Variants in INPP5F observed in about 807,000 individuals in gnomAD.
The protein encoded by INPP5F is inositol polyphosphate-5-phosphatase F, also known as phosphatidylinositide 4-phosphatase SAC2.
INPP5F carries 97 observed loss-of-function variants against 137.2 expected under a neutral mutation model. The observed-to-expected ratio is 0.71, with a 90% confidence interval of 0.60 to 0.84. The LOEUF (loss-of-function observed/expected upper bound fraction) is 0.84. INPP5F is among the 40% of genes least tolerant of loss of function. INPP5F has a pLI of 0.00. For synonymous variants in INPP5F, 504 were observed against 476.9 expected (o/e 1.06, Z -0.74); for missense variants, 1,271 against 1,371.9 (o/e 0.93, Z 1.16).
At chr10:119,759,059 C>T (rs17099281) in intron 2 of INPP5F, among the ~76,000 whole-genome samples, 6,340 of 152,308 alleles carry the variant, frequency 0.042, 236 homozygotes, top group South Asian at 0.22. Flanking sequence ...GAGGGTCTGA[C>T]AGGGTCCCTG....
chr10:119,747,937 C>T (rs760315478), intron 1 of INPP5F, among the ~76,000 whole-genome samples: 3 of 152,088 alleles, frequency 2.0e-5, no homozygotes, highest in Non-Finnish European at 4.4e-5. Context: ...TCATGGGATC[C>T]TTAGGGTGTT....
intron 5 of INPP5F, 37 bp from the exon 6 acceptor site, chr10:119,792,120 A>G (rs1850168472): frequency 1.2e-6 from 2 of 1,614,060 alleles, no homozygotes; most frequent in Non-Finnish European, 1.7e-6. Flanking sequence ...AACTGAAATA[A>G]TGTGTTTCTG....
Position 119,798,606 on chromosome 10 carries a change from A to C in INPP5F, c.1112A>C (p.Lys371Thr). The C allele has an allele frequency of 6.2e-7, 1 of 1,609,576 alleles. No homozygotes were observed. The highest frequency in any genetic ancestry group is 1.7e-5 in the Admixed American group (1 of 59,852). ...HFEEQLNIYK[K>T]QVIINLVDQA... ...GAAGAACAACTGAACATTTACAAAAAACAGGTGGGCTTTGATTTACAGTAG... is the reference window on the plus strand; with the variant it reads ...GAAGAACAACTGAACATTTACAAAACACAGGTGGGCTTTGATTTACAGTAG... Residue 371 changes from lysine (K) to threonine (T), a missense_variant, in exon 9 of 20, where the codon AAA becomes ACA. Around this residue, in one of 6 missense-constraint regions of INPP5F, gnomAD observed 593 missense variants for 712.4 expected, o/e 0.83. Transcript: ENST00000650623.
intron 1 of INPP5F, among the ~76,000 whole-genome samples, chr10:119,734,197 C>T (rs571058108): frequency 3.9e-4 from 60 of 152,180 alleles, no homozygotes; most frequent in Non-Finnish European, 7.9e-4. Context: ...TCCAAACCGG[C>T]CCTTGTGCAG....
chr10:119,816,656 A>G (rs1054188285), intron 15 of INPP5F: 1 of 152,080 alleles, frequency 6.6e-6, no homozygotes, highest in Non-Finnish European at 1.5e-5. Flanking sequence ...TCAGCTGGAG[A>G]TGTTGACCCA....
In INPP5F at chr10:119,829,084, C is replaced by CT. The variant is rs963003965; in HGVS notation, c.*1314dup. On this transcript the variant is annotated 3_prime_UTR_variant, in exon 20 of 20. Transcript: ENST00000650623. ...CACTTTTGTTATTTATTAGTGCTAT[C>CT]TTTTTTTTTTACGTGTTAAATCTTG... 5.9e-3 allele frequency: 889 copies of CT among 149,636 alleles called. 3 individuals are homozygous for CT. Among genetic ancestry groups the CT allele is most frequent in the African/African-American group, 0.01 (411 of 40,810 alleles). The allele number at this position is 149,636 out of a possible 1,614,324, so 9.3% of individuals were successfully genotyped here.
intron 16 of INPP5F, among the ~76,000 whole-genome samples, chr10:119,821,626 C>T (rs905863969): frequency 8.5e-5 from 13 of 152,070 alleles, no homozygotes; most frequent in Non-Finnish European, 1.6e-4. Context: ...TTTTCATTCT[C>T]GATTTTGGAT....
At chr10:119,798,752 TA>T (rs907126589) in intron 9 of INPP5F, 142 bp downstream of exon 9, 21 of 430,772 alleles carry the variant, frequency 4.9e-5, no homozygotes, top group African/African-American at 3.9e-4. Context: ...AGAGTTTTCT[TA>T]ATATTCTTTA....
At chr10:119,768,951 A>T (rs958985946) in intron 2 of INPP5F, among the ~76,000 whole-genome samples, 1 of 152,232 alleles carries the variant, frequency 6.6e-6, no homozygotes, top group Non-Finnish European at 1.5e-5. Flanking sequence ...AGTGCCAAGA[A>T]TGGTAACTGG....
chr10:119,762,190 CTGTT>C (rs1438245432), intron 2 of INPP5F, among the ~76,000 whole-genome samples: 2 of 152,162 alleles, frequency 1.3e-5, no homozygotes, highest in African/African-American at 2.4e-5. Context: ...AGTTCTTTGT[CTGTT>C]TGGGCTGCTG....
At chr10:119,818,476 C>A (rs900234373) in intron 15 of INPP5F, among the ~76,000 whole-genome samples, 1 of 152,232 alleles carries the variant, frequency 6.6e-6, no homozygotes, top group Non-Finnish European at 1.5e-5. Flanking sequence ...CCCGCCAGCG[C>A]CCCCCTCCAG....
intron 2 of INPP5F, among the ~76,000 whole-genome samples, chr10:119,758,540 G>A (rs1440214296): frequency 6.6e-6 from 1 of 152,216 alleles, no homozygotes; most frequent in Admixed American, 6.5e-5. Flanking sequence ...AGCTCTTCAA[G>A]TTAAAATGTA....
intron 19 of INPP5F, among the ~76,000 whole-genome samples, chr10:119,824,525 G>C (rs1434033758): frequency 6.6e-6 from 1 of 152,168 alleles, no homozygotes; most frequent in East Asian, 1.9e-4. Context: ...TGTGGGGAGG[G>C]AGGGCGTGAT....
intron 1 of INPP5F, among the ~76,000 whole-genome samples, chr10:119,736,212 C>T (rs1186078278): frequency 5.9e-5 from 9 of 152,200 alleles, no homozygotes; most frequent in African/African-American, 2.2e-4. Context: ...ATTATGAATG[C>T]ATCACCCAAG....
intron 2 of INPP5F, among the ~76,000 whole-genome samples, chr10:119,763,315 T>C (rs990676355): frequency 2.6e-5 from 4 of 152,208 alleles, no homozygotes; most frequent in African/African-American, 9.6e-5. Flanking sequence ...GTTGTGCCCC[T>C]AGGGCCCTGC....
Position 119,829,040 on chromosome 10 carries a change from G to A in INPP5F, c.*1260G>A, listed in dbSNP as rs1002068829. 12 of 152,388 alleles carry A rather than the reference G, an allele frequency of 7.9e-5. No individual in the cohort carries two copies. The highest frequency in any genetic ancestry group is 2.2e-4 in the African/African-American group (9 of 41,362). The allele number at this position is 152,388 out of a possible 1,614,324, so 9.4% of individuals were successfully genotyped here. ...CTGATTCTCAACTGAACATTATGTC[G>A]TTACTTTGATAAGCATTCCACTTTT... On this transcript the variant is annotated 3_prime_UTR_variant, in exon 20 of 20. Coordinates refer to ENST00000650623, the MANE Select transcript of INPP5F (RefSeq NM_014937.4).
chr10:119,742,683 C>T (rs545305615), intron 1 of INPP5F, among the ~76,000 whole-genome samples: 42 of 152,250 alleles, frequency 2.8e-4, no homozygotes, highest in African/African-American at 8.7e-4. Context: ...GGTAGAGAAA[C>T]TTATGGTGTT....
rs773921467 is a variant in INPP5F, at chr10:119,806,504, C to T, written c.1440+24C>T. On this transcript the variant is annotated intron_variant, in intron 12 of 19. Coordinates refer to ENST00000650623, the MANE Select transcript of INPP5F (RefSeq NM_014937.4). ...AGGTAATTTGGAGTCTGTTGGATTGCAAATATTCATTTCGAAATGCTTTTT... is the reference window on the plus strand; with the variant it reads ...AGGTAATTTGGAGTCTGTTGGATTGTAAATATTCATTTCGAAATGCTTTTT... The T allele has an allele frequency of 1.2e-4, 193 of 1,551,806 alleles. No homozygotes were observed. The East Asian group carries it at 4.4e-3, about 35-fold the overall frequency.
rs569877384 is a variant in INPP5F at position 119,819,794 on chromosome 10, C to T, written c.1887-1052C>T. On this transcript the variant is annotated intron_variant, in intron 15 of 19. Transcript: ENST00000650623. ...TAAGACTGTTGGACTCAAGCTACAA[C>T]GAGGTGTCTCTGATGTAAAAAACTG... The T allele has an allele frequency of 4.3e-5, 14 of 322,580 alleles. No individual in the cohort carries two copies. The South Asian group carries it at 9.8e-4, about 23-fold the overall frequency. The allele number at this position is 322,580 out of a possible 1,614,324, so 20.0% of individuals were successfully genotyped here. A position where few individuals can be genotyped will look rare whatever the true frequency, so the allele number is the denominator to read the frequency against.
Sources: allele counts gnomAD v4.1 joint callset (sites outside exome capture counted in the v4.1 genomes callset), GRCh38; gene constraint gnomAD v4.1.1; regional missense constraint gnomAD v4.1.1; transcripts MANE v1.5; gene names NCBI Gene and HGNC (gene_info 2026-07-23, HGNC 2026-07-21).